The following CATSPER3 variants were observed in gnomAD, a reference collection of about 807,000 sequenced individuals.
The protein encoded by CATSPER3 is cation channel sperm-associated protein 3.
In CATSPER3, 23 loss-of-function variants were observed where a neutral mutation model predicts 36.6. The observed-to-expected ratio is 0.63, with a 90% CI of 0.45 to 0.89. The LOEUF (loss-of-function observed/expected upper bound fraction) is 0.89. Among genes scored for constraint, CATSPER3 ranks in the 40% least tolerant of loss-of-function variants. CATSPER3 has a pLI of 0.00. For missense variants in CATSPER3, 474 were observed against 503.9 expected (o/e 0.94, Z 0.57); for synonymous variants, 172 against 184.1 (o/e 0.93, Z 0.53).
intron 2 of CATSPER3, among the ~76,000 whole-genome samples, chr5:134,991,500 T>C (rs926292088): frequency 1.3e-5 from 2 of 152,124 alleles, no homozygotes; most frequent in Non-Finnish European, 2.9e-5. Context: ...ATATCTATGG[T>C]CAATTGATTT....
intron 7 of CATSPER3, 91 bp downstream of exon 7, chr5:135,010,621 C>T (rs1752170023): frequency 8.9e-7 from 1 of 1,126,014 alleles, no homozygotes; most frequent in Middle Eastern, 2.5e-4. Flanking sequence ...GGGGTGATGA[C>T]TGAAGTGCTG....
In CATSPER3 at chr5:135,004,816, G is replaced by A. The variant is rs559204840; in HGVS notation, c.493-3141G>A. Among the ~76,000 whole-genome samples, 18 of 152,296 alleles carry A rather than the reference G, an allele frequency of 1.2e-4. No homozygotes were observed. In the East Asian group the frequency reaches 3.3e-3, roughly 28 times the overall value. ...GGCCCTGCCCAAAAGCAGGGTCTGTGCCTGTGAAAACAGGGGATCCCAGGA... is the reference window on the plus strand; with the variant it reads ...GGCCCTGCCCAAAAGCAGGGTCTGTACCTGTGAAAACAGGGGATCCCAGGA... On this transcript the variant is annotated intron_variant, in intron 3 of 7. Coordinates refer to ENST00000282611, the MANE Select transcript of CATSPER3 (RefSeq NM_178019.3).
chr5:134,988,163 CTTTAA>C (rs1481747835), intron 2 of CATSPER3, among the ~76,000 whole-genome samples: 3 of 152,124 alleles, frequency 2.0e-5, no homozygotes, highest in Non-Finnish European at 2.9e-5. Context: ...AAAGTATATA[CTTTAA>C]TTTAAAAATA....
At chr5:134,997,688 G>A (rs1751967190) in intron 3 of CATSPER3, among the ~76,000 whole-genome samples, 1 of 152,084 alleles carries the variant, frequency 6.6e-6, no homozygotes, top group Non-Finnish European at 1.5e-5. Flanking sequence ...TCTCGGGATG[G>A]TCCCTGAGTT....
At chr5:134,992,829 T>G (rs1751894830) in intron 2 of CATSPER3, among the ~76,000 whole-genome samples, 1 of 152,252 alleles carries the variant, frequency 6.6e-6, no homozygotes, top group African/African-American at 2.4e-5. Context: ...GTACAACTAC[T>G]GTGGAAAACA....
At chr5:135,011,054 A>C (rs778045667) in intron 7 of CATSPER3, among the ~76,000 whole-genome samples, 1 of 152,202 alleles carries the variant, frequency 6.6e-6, no homozygotes, top group Non-Finnish European at 1.5e-5. Context: ...CTGAGCAGGA[A>C]GGATGTAAAA....
rs1751945575 is a variant in CATSPER3, at chr5:134,996,350, G to GA, written c.332dup (p.Asn112GlufsTer35). The GA allele has an allele frequency of 6.2e-7, 1 of 1,614,104 alleles. No homozygotes were observed. Among genetic ancestry groups the GA allele is most frequent in the South Asian group, 1.1e-5 (1 of 91,094 alleles). ...TCTATGTGGACCCCATCAACTACTG[G>GA]AAGAACGGCTACAACCTGCTGGATG... On this transcript the variant is annotated frameshift_variant, in exon 3 of 8. Transcript: ENST00000282611. LOFTEE classifies it high-confidence loss of function.
intron 2 of CATSPER3, among the ~76,000 whole-genome samples, chr5:134,981,165 T>G (rs550026936): frequency 6.6e-6 from 1 of 152,192 alleles, no homozygotes; most frequent in Non-Finnish European, 1.5e-5. Context: ...TCTCCCTTTT[T>G]TCCTTCTTTC....
intron 2 of CATSPER3, 123 bp from the exon 3 acceptor site, chr5:134,996,150 C>A: frequency 8.2e-7 from 1 of 1,226,660 alleles, no homozygotes; most frequent in Non-Finnish European, 1.2e-6. Context: ...GAAACTCTGC[C>A]TGGGTTTCTC....
At chr5:134,991,368 A>G (rs190191194) in intron 2 of CATSPER3, among the ~76,000 whole-genome samples, 1 of 152,356 alleles carries the variant, frequency 6.6e-6, no homozygotes, top group African/African-American at 2.4e-5. Context: ...AAGTTGGAGG[A>G]CTTGCACTTT....
chr5:134,991,103 C>T (rs78384977), intron 2 of CATSPER3, among the ~76,000 whole-genome samples: 4,680 of 152,160 alleles, frequency 0.031, 253 homozygotes, highest in African/African-American at 0.11. Flanking sequence ...GAGATGAGTA[C>T]TGAAAACTAT....
chr5:134,988,006 A>G (rs1415589494), intron 2 of CATSPER3, among the ~76,000 whole-genome samples: 1 of 152,224 alleles, frequency 6.6e-6, no homozygotes, highest in African/African-American at 2.4e-5. Flanking sequence ...ATGTAAAGCT[A>G]TGGATATGCC....
intron 1 of CATSPER3, chr5:134,968,379 A>G (rs1161713804): frequency 1.0e-5 from 4 of 385,978 alleles, no homozygotes; most frequent in Non-Finnish European, 1.5e-5. Context: ...TGAAAATTAC[A>G]TATCTTGATA....
rs140980470 is a variant in CATSPER3, at chr5:134,969,963, A to G, written c.123A>G (p.Ala41=). Residue 41 remains alanine (A), a synonymous_variant, in exon 2 of 8, where the codon GCA becomes GCG. Transcript: ENST00000282611. ...KFKRNDDECR[A]FVKRVIMSRF... is the part of the protein sequence containing the mutation. The stretch of plus-strand genomic sequence containing the variant: ...GGAGGAACGATGATGAATGTCGGGC[A>G]TTTGTGAAGAGAGTCATAATGAGCC... 1.2e-5 allele frequency: 20 copies of G among 1,613,992 alleles called. No homozygotes were observed. The African/African-American group carries it at 2.1e-4, about 17-fold the overall frequency.
intron 2 of CATSPER3, among the ~76,000 whole-genome samples, chr5:134,984,562 C>A (rs530021364): frequency 6.6e-6 from 1 of 152,276 alleles, no homozygotes; most frequent in South Asian, 2.1e-4. Context: ...ATTAAAACCA[C>A]AATGACATAC....
rs1485159589 is a variant in CATSPER3, at chr5:135,008,000, C to T, written c.536C>T (p.Ser179Phe). 6.2e-7 allele frequency: 1 copy of T among 1,614,198 alleles called. No homozygotes were observed. The highest frequency in any genetic ancestry group is 8.5e-7 in the Non-Finnish European group (1 of 1,180,026). Reference protein sequence around the residue: ...AVGQTVYTVASVLLLLFLLMY... With the variant: ...AVGQTVYTVAFVLLLLFLLMY... ...GGGCAGACAGTCTACACCGTGGCCT[C>T]TGTGCTCCTCCTGCTCTTCCTCCTC... The change falls in exon 4 of 8, where the codon TCT (serine) becomes TTT (phenylalanine). Residue 179 changes from serine (S) to phenylalanine (F), a missense_variant. Ser to Phe is a radical substitution (Grantham distance 155). Transcript: ENST00000282611.
rs199553635 is a variant in CATSPER3 at position 135,010,353 on chromosome 5, C to T, written c.937-20C>T. 125 of 1,611,986 alleles carry T rather than the reference C, an allele frequency of 7.8e-5. No individual in the cohort carries two copies. The African/African-American group carries it at 8.3e-4, about 11-fold the overall frequency. On this transcript the variant is annotated intron_variant, in intron 6 of 7. Coordinates refer to ENST00000282611, the MANE Select transcript of CATSPER3 (RefSeq NM_178019.3). The stretch of plus-strand genomic sequence containing the variant: ...TGTCACCTCCTCATCACTGCTCTCT[C>T]GTTATGCTTTCCTCTCTAGAAAAAT...
chr5:134,970,847 C>T (rs185349199), intron 2 of CATSPER3, among the ~76,000 whole-genome samples: 93 of 152,190 alleles, frequency 6.1e-4, no homozygotes, highest in African/African-American at 2.1e-3. Context: ...GCTGGCATTA[C>T]GGGCATGAGC....
chr5:135,001,332 A>C lies in CATSPER3; in HGVS notation c.492+4820A>C, dbSNP rs529333052. 7.4e-3 allele frequency among the ~76,000 whole-genome samples: 1,129 copies of C among 152,260 alleles called. 22 individuals are homozygous for C. The highest frequency in any genetic ancestry group is 0.026 in the African/African-American group (1,077 of 41,540). ...AGTTTGTTATAATTTCTGTTCTTTT[A>C]CATTTGCTGAGGAGTGCTTTACTTC... is the stretch of plus-strand genomic sequence containing the variant. On this transcript the variant is annotated intron_variant, in intron 3 of 7. Coordinates refer to ENST00000282611, the MANE Select transcript of CATSPER3 (RefSeq NM_178019.3).
Sources: gnomAD v4.1 joint callset for allele counts (sites outside exome capture counted in the v4.1 genomes callset) on GRCh38, gnomAD v4.1.1 for gene constraint, MANE v1.5 for transcripts, NCBI Gene and HGNC (gene_info 2026-07-23, HGNC 2026-07-21) for gene names.